Variants in ALK observed in about 807,000 individuals in gnomAD.
ALK encodes the protein ALK receptor tyrosine kinase.
A neutral mutation model predicts 163.1 loss-of-function variants in ALK; 74 were observed. The observed-to-expected ratio is 0.45, with a 90% CI of 0.38 to 0.55. The LOEUF (loss-of-function observed/expected upper bound fraction) is 0.55, where lower values mean the gene tolerates loss of function less well. Among genes scored for constraint, ALK ranks in the 20% least tolerant of loss-of-function variants. The pLI is 0.00. For synonymous variants in ALK, 960 were observed against 843.2 expected (o/e 1.14, Z -2.40); for missense variants, 2,063 against 2,105.3 (o/e 0.98, Z 0.39).
chr2:29,767,816 C>T (rs1427467815), intron 1 of ALK, among the ~76,000 whole-genome samples: 1 of 152,212 alleles, frequency 6.6e-6, no homozygotes, highest in Non-Finnish European at 1.5e-5. Context: ...TGCCTGGCGC[C>T]ATCTGGCCTG....
intron 11 of ALK, among the ~76,000 whole-genome samples, chr2:29,271,187 C>T (rs1665375164): frequency 6.6e-6 from 1 of 152,112 alleles, no homozygotes; most frequent in Non-Finnish European, 1.5e-5. Context: ...AGGATGCAGG[C>T]CTGTGGAGCC....
intron 4 of ALK, among the ~76,000 whole-genome samples, chr2:29,386,761 T>G (rs1669041283): frequency 6.6e-6 from 1 of 152,240 alleles, no homozygotes; most frequent in Admixed American, 6.5e-5. Context: ...GCAACTTTAA[T>G]AACTTTCAGA....
chr2:29,771,324 C>T (rs1681016854), intron 1 of ALK, among the ~76,000 whole-genome samples: 1 of 152,106 alleles, frequency 6.6e-6, no homozygotes, highest in Non-Finnish European at 1.5e-5. Flanking sequence ...TAAACTCAAA[C>T]CATAACACAG....
intron 13 of ALK, among the ~76,000 whole-genome samples, chr2:29,237,430 C>G (rs1246371636): frequency 3.9e-5 from 6 of 152,214 alleles, no homozygotes; most frequent in Non-Finnish European, 7.3e-5. Context: ...TGCCTTATCT[C>G]TTACCTACCC....
In ALK at chr2:29,385,118, C is replaced by CT. The variant is rs753210292; in HGVS notation, c.1155-1260_1155-1259insA. ...TCTATGAAATCATCACAATATTTCA[C>CT]ATTTTTTTTTTTTTTACCAGTAGGT... On this transcript the variant is annotated intron_variant, in intron 4 of 28. Transcript: ENST00000389048. Among the ~76,000 whole-genome samples the CT allele has an allele frequency of 6.3e-5, 6 of 94,886 alleles. No individual in the cohort carries two copies. In the South Asian group the frequency reaches 1.9e-3, roughly 30 times the overall value. 62.2% of individuals were successfully genotyped at this position (94,886 alleles called of 152,430 possible). A position where few individuals can be genotyped will look rare whatever the true frequency, so the allele number is the denominator to read the frequency against.
chr2:29,427,735 A>C (rs1670181009), intron 4 of ALK, among the ~76,000 whole-genome samples: 1 of 152,116 alleles, frequency 6.6e-6, no homozygotes, highest in South Asian at 2.1e-4. Context: ...AATGGACTAA[A>C]CAATCCAATA....
intron 8 of ALK, among the ~76,000 whole-genome samples, chr2:29,315,752 C>T (rs530604076): frequency 5.3e-5 from 8 of 152,200 alleles, no homozygotes; most frequent in Non-Finnish European, 7.3e-5. Flanking sequence ...TTGAAGATGA[C>T]ACCAGTTCTT....
intron 1 of ALK, among the ~76,000 whole-genome samples, chr2:29,812,649 T>C (rs1664787170): frequency 6.6e-6 from 1 of 152,180 alleles, no homozygotes; most frequent in Admixed American, 6.5e-5. Context: ...ACCAAGGTGG[T>C]GCCTGGCTCC....
At chr2:29,522,626 C>A (rs959269079) in intron 4 of ALK, among the ~76,000 whole-genome samples, 2 of 152,026 alleles carry the variant, frequency 1.3e-5, no homozygotes, top group African/African-American at 2.4e-5. Flanking sequence ...ATTTGAGAAA[C>A]CCTAAAAGGG....
intron 5 of ALK, among the ~76,000 whole-genome samples, chr2:29,375,025 C>T (rs576165928): frequency 6.6e-6 from 1 of 152,308 alleles, no homozygotes; most frequent in Non-Finnish European, 1.5e-5. Context: ...CAGTGTGTGG[C>T]TCTCATCACC....
At chr2:29,656,420 G>C (rs2148258040) in intron 3 of ALK, among the ~76,000 whole-genome samples, 1 of 152,196 alleles carries the variant, frequency 6.6e-6, no homozygotes, top group South Asian at 2.1e-4. Context: ...ATTTAAACCT[G>C]GCCAACTAAT....
At chr2:29,290,359 G>T (rs1665988739) in intron 9 of ALK, among the ~76,000 whole-genome samples, 1 of 152,234 alleles carries the variant, frequency 6.6e-6, no homozygotes. Context: ...GGCAGAGTGA[G>T]GAGGCGCAGG....
At chr2:29,692,760 T>C (rs995339951) in intron 3 of ALK, among the ~76,000 whole-genome samples, 16 of 152,188 alleles carry the variant, frequency 1.1e-4, no homozygotes, top group African/African-American at 3.6e-4. Flanking sequence ...TCTAGAGAAA[T>C]TCTTGAACAT....
intron 3 of ALK, among the ~76,000 whole-genome samples, chr2:29,600,868 G>A (rs1434134170): frequency 6.6e-6 from 1 of 152,204 alleles, no homozygotes; most frequent in African/African-American, 2.4e-5. Context: ...GCTTAACTTG[G>A]AGGACCATGA....
chr2:29,914,003 G>T (rs763316481), intron 1 of ALK, among the ~76,000 whole-genome samples: 2 of 152,088 alleles, frequency 1.3e-5, no homozygotes, highest in African/African-American at 2.4e-5. Context: ...AAATGATTCC[G>T]CTGTAACATC....
At chr2:29,198,019 C>T (rs1000495454) in intron 26 of ALK, among the ~76,000 whole-genome samples, 2 of 152,120 alleles carry the variant, frequency 1.3e-5, no homozygotes, top group African/African-American at 4.8e-5. Context: ...TCATAAATAA[C>T]ATTTGGAATG....
chr2:29,313,429 A>C (rs1666745727), intron 8 of ALK, among the ~76,000 whole-genome samples: 2 of 152,172 alleles, frequency 1.3e-5, no homozygotes, highest in Non-Finnish European at 2.9e-5. Flanking sequence ...GACTACTCCC[A>C]GCCTGTGGAG....
intron 4 of ALK, among the ~76,000 whole-genome samples, chr2:29,519,965 G>T (rs778093637): frequency 8.5e-5 from 13 of 152,322 alleles, no homozygotes; most frequent in African/African-American, 2.6e-4. Flanking sequence ...CTCAACAGAA[G>T]TCAGTGTGGT....
chr2:29,634,512 T>A (rs916812846), intron 3 of ALK, among the ~76,000 whole-genome samples: 1 of 152,160 alleles, frequency 6.6e-6, no homozygotes, highest in East Asian at 1.9e-4. Context: ...ATTGACAAGC[T>A]AAAGAAGATA....
Sources: allele counts gnomAD v4.1 joint callset (sites outside exome capture counted in the v4.1 genomes callset), GRCh38; gene constraint gnomAD v4.1.1; transcripts MANE v1.5; gene names NCBI Gene and HGNC (gene_info 2026-07-23, HGNC 2026-07-21).